Variants in PALS1 observed in about 807,000 individuals in gnomAD.
The protein encoded by PALS1 is protein associated with LIN7 1, MAGUK p55 family member.
A neutral mutation model predicts 78.9 loss-of-function variants in PALS1; 31 were observed. The ratio of observed to expected loss-of-function variants is 0.39; its 90% CI spans 0.30 to 0.53. PALS1 has a LOEUF of 0.53. Ranked by LOEUF, PALS1 falls within the 20% of genes least tolerant of loss-of-function variation. The pLI is 0.67. For synonymous variants in PALS1, 276 were observed against 270.9 expected (o/e 1.02, Z -0.18); for missense variants, 704 against 826.5 (o/e 0.85, Z 1.82).
chr14:67,316,928 G>A, intron 10 of PALS1, 25 bp downstream of exon 10: 1 of 1,580,174 alleles, frequency 6.3e-7, no homozygotes, highest in South Asian at 1.1e-5. Flanking sequence ...TTTGACATAA[G>A]TAAATGGTTT....
intron 1 of PALS1, among the ~76,000 whole-genome samples, chr14:67,248,007 G>T (rs146061173): frequency 6.6e-6 from 1 of 151,958 alleles, no homozygotes; most frequent in Non-Finnish European, 1.5e-5. Context: ...GGTTACTGAG[G>T]GTTTGTTTTT....
intron 1 of PALS1, among the ~76,000 whole-genome samples, chr14:67,266,542 T>A (rs2084327445): frequency 6.6e-6 from 1 of 151,978 alleles, no homozygotes; most frequent in Non-Finnish European, 1.5e-5. Context: ...GCCAGGCTGG[T>A]CTCAAACTGC....
intron 1 of PALS1, among the ~76,000 whole-genome samples, chr14:67,243,631 T>TACA (rs2083939652): frequency 6.6e-6 from 1 of 151,516 alleles, no homozygotes; most frequent in Admixed American, 6.6e-5. Context: ...TAGTTGGGAC[T>TACA]ACAGGTGCCC....
In PALS1 at chr14:67,320,425, T is replaced by G. The variant is rs762368337; in HGVS notation, c.1537+28T>G. ...AAGTTTGAATGCATTCCCATTTTCC[T>G]GTGCTTTTCAATTTACCAGCTCAGA... On this transcript the variant is annotated intron_variant, in intron 12 of 14. Coordinates refer to ENST00000261681, the MANE Select transcript of PALS1 (RefSeq NM_022474.4). 3 of 1,548,652 alleles carry G rather than the reference T, an allele frequency of 1.9e-6. No homozygotes were observed. The South Asian group carries it at 3.7e-5, about 19-fold the overall frequency.
At chr14:67,301,246 C>T (rs2084929219) in intron 4 of PALS1, 143 bp from the exon 5 acceptor site, 2 of 469,558 alleles carry the variant, frequency 4.3e-6, no homozygotes, top group Non-Finnish European at 7.6e-6. Flanking sequence ...AGATTGAAAA[C>T]TCTAATAATT....
intron 1 of PALS1, among the ~76,000 whole-genome samples, chr14:67,247,784 G>A (rs376486362): frequency 9.8e-4 from 149 of 152,054 alleles, no homozygotes; most frequent in African/African-American, 3.5e-3. Context: ...TCACCATGTT[G>A]CCCAGGCTGG....
chr14:67,250,248 C>G (rs891102354), intron 1 of PALS1, among the ~76,000 whole-genome samples: 1 of 152,120 alleles, frequency 6.6e-6, no homozygotes, highest in South Asian at 2.1e-4. Context: ...AGTTTTAGTT[C>G]TTAAAATTTT....
intron 13 of PALS1, among the ~76,000 whole-genome samples, chr14:67,322,455 G>T (rs775808260): frequency 6.6e-6 from 1 of 152,138 alleles, no homozygotes; most frequent in East Asian, 1.9e-4. Flanking sequence ...TTTAGCATAC[G>T]ACTTTCCTTA....
intron 8 of PALS1, among the ~76,000 whole-genome samples, chr14:67,305,584 A>G (rs1408055242): frequency 6.6e-6 from 1 of 152,190 alleles, no homozygotes; most frequent in Non-Finnish European, 1.5e-5. Flanking sequence ...CCCAGCCAAG[A>G]CATGTTTTCT....
chr14:67,328,312 C>T (rs981922740), intron 14 of PALS1, among the ~76,000 whole-genome samples: 2 of 152,266 alleles, frequency 1.3e-5, no homozygotes, highest in Admixed American at 6.5e-5. Context: ...ATCCTTTGCC[C>T]ACTTTTTGAT....
At chr14:67,297,555 G>A (rs2084876131) in intron 4 of PALS1, among the ~76,000 whole-genome samples, 1 of 152,098 alleles carries the variant, frequency 6.6e-6, no homozygotes, top group Non-Finnish European at 1.5e-5. Flanking sequence ...ATATAAACAG[G>A]CTTCTAATTT....
intron 11 of PALS1, 95 bp from the exon 12 acceptor site, chr14:67,320,135 C>CT (rs2085240355): frequency 8.6e-7 from 1 of 1,160,584 alleles, no homozygotes; most frequent in African/African-American, 1.6e-5. Flanking sequence ...ATAAATTGTG[C>CT]TTTTGTCTAA....
intron 2 of PALS1, chr14:67,271,366 A>G (rs2084403786): frequency 6.6e-6 from 1 of 152,230 alleles, no homozygotes; most frequent in Admixed American, 6.5e-5. Context: ...TATACTGCCT[A>G]GGTTCATATT....
At chr14:67,267,949 A>T (rs1162109029) in intron 1 of PALS1, among the ~76,000 whole-genome samples, 2 of 152,018 alleles carry the variant, frequency 1.3e-5, no homozygotes, top group Non-Finnish European at 2.9e-5. Context: ...CATTTTATCC[A>T]TTGTATTCTA....
chr14:67,288,478 C>T (rs568741449), intron 3 of PALS1, among the ~76,000 whole-genome samples: 15 of 152,188 alleles, frequency 9.9e-5, no homozygotes, highest in East Asian at 7.7e-4. Flanking sequence ...GATTTCTTGA[C>T]GCCAGGAGTT....
chr14:67,293,997 GT>G (rs1566556586), intron 4 of PALS1, among the ~76,000 whole-genome samples: 2 of 152,152 alleles, frequency 1.3e-5, no homozygotes, highest in Non-Finnish European at 2.9e-5. Context: ...AGCTTAAAGG[GT>G]TTTAGGAGTT....
At chr14:67,244,374 A>G (rs766969108) in intron 1 of PALS1, among the ~76,000 whole-genome samples, 1 of 152,354 alleles carries the variant, frequency 6.6e-6, no homozygotes, top group East Asian at 1.9e-4. Flanking sequence ...TGCAAACAGT[A>G]TGAGTGACAG....
At position 67,292,565 on chromosome 14, in the gene PALS1, C is replaced by G. The variant is rs61744208; in HGVS notation, c.422C>G (p.Ser141Cys). 35 of 1,613,256 alleles carry G rather than the reference C, an allele frequency of 2.2e-5. No individual in the cohort carries two copies. In the African/African-American group the frequency reaches 4.4e-4, roughly 20 times the overall value. ...LKHIQHTLVD[S>C]QSQEDISLLL... is the part of the protein sequence containing the mutation. ...CATATCCAACATACTTTGGTAGATT[C>G]TCAGAGCCAGGAGGATATTTCACTG... Residue 141 changes from serine (S) to cysteine (C), a missense_variant, in exon 4 of 15, where the codon TCT (serine) becomes TGT (cysteine). By Grantham distance (112) the Ser-to-Cys change is moderately radical (BLOSUM62 -1). Transcript: ENST00000261681.
intron 4 of PALS1, among the ~76,000 whole-genome samples, chr14:67,293,491 A>G (rs2084803061): frequency 6.6e-6 from 1 of 152,178 alleles, no homozygotes; most frequent in Non-Finnish European, 1.5e-5. Context: ...CAGAACCTAT[A>G]AAATAGGTTA....
Sources: gnomAD v4.1 joint callset for allele counts (sites outside exome capture counted in the v4.1 genomes callset) on GRCh38, gnomAD v4.1.1 for gene constraint, MANE v1.5 for transcripts, NCBI Gene and HGNC (gene_info 2026-07-23, HGNC 2026-07-21) for gene names.